Variants in ZNF107 observed in about 807,000 individuals in gnomAD.
ZNF107 encodes the protein C2H2 type zinc-finger protein.
A neutral mutation model predicts 12.3 loss-of-function variants in ZNF107; 19 were observed. The ratio of observed to expected loss-of-function variants is 1.55; its 90% CI spans 1.08 to 2.27. The LOEUF is 2.27. Among genes scored for constraint, ZNF107 ranks in the 30% most tolerant of loss-of-function variants. ZNF107 has a pLI of 0.00. For missense variants in ZNF107, 958 were observed against 979.9 expected (o/e 0.98, Z 0.30); for synonymous variants, 317 against 330.5 (o/e 0.96, Z 0.44).
chr7:64,694,735 G>A (rs1790230591), intron 3 of ZNF107, among the ~76,000 whole-genome samples: 1 of 151,972 alleles, frequency 6.6e-6, no homozygotes, highest in Non-Finnish European at 1.5e-5. Context: ...ATATAAGAAA[G>A]TAGGGCACCT....
intron 3 of ZNF107, among the ~76,000 whole-genome samples, chr7:64,697,970 GCGCCCGGCCGGTAAAA>G (rs1307794372): frequency 6.6e-6 from 1 of 152,040 alleles, no homozygotes. Context: ...GTGAGCCACC[GCGCCCGGCCGGTAAAA>G]CATAACATTT....
At position 64,700,506 on chromosome 7, in the gene ZNF107, C is replaced by CG. The variant is rs368830901; in HGVS notation, c.227-5818_227-5817insG. On this transcript the variant is annotated intron_variant, in intron 3 of 3. Coordinates refer to ENST00000620827, the MANE Select transcript of ZNF107 (RefSeq NM_001282359.2). The stretch of plus-strand genomic sequence containing the variant: ...GTCTGTCAAACCAAGCCAAATAAAC[C>CG]TTTTTTTTTTTTTTTTTTTTTTTTT... Among the ~76,000 whole-genome samples, 112 of 66,228 alleles carry CG rather than the reference C, an allele frequency of 1.7e-3. 1 individual carries two copies. The highest frequency in any genetic ancestry group is 6.7e-3 in the African/African-American group (109 of 16,218). 43.4% of individuals were successfully genotyped at this position (66,228 alleles called of 152,430 possible).
At chr7:64,684,763 C>G in intron 1 of ZNF107, 1 of 972,968 alleles carries the variant, frequency 1.0e-6, no homozygotes, top group South Asian at 4.8e-5. Context: ...TAACTTCTTC[C>G]CAGATGAGAC....
At chr7:64,697,902 G>A (rs1358482233) in intron 3 of ZNF107, among the ~76,000 whole-genome samples, 5 of 151,966 alleles carry the variant, frequency 3.3e-5, no homozygotes, top group Non-Finnish European at 5.9e-5. Context: ...CCGTGGTCTC[G>A]AACTCCTGAC....
chr7:64,706,744 T>A lies in ZNF107; in HGVS notation c.647T>A (p.Leu216His), dbSNP rs1354696442. ...CGKAFNWFST[L>H]TKHKRIHTGE... ...AAAGCCTTTAACTGGTTCTCAACTC[T>A]TACTAAACATAAGAGAATTCATACT... is the stretch of plus-strand genomic sequence containing the variant. Residue 216 changes from leucine to histidine, a missense_variant, in exon 4 of 4, where the codon CTT (leucine) becomes CAT (histidine). Physicochemically the swap from Leu to His is moderately conservative, Grantham distance 99. Transcript: ENST00000620827. 3.1e-6 allele frequency: 5 copies of A among 1,612,758 alleles called. No individual in the cohort carries two copies. In the African/African-American group the frequency reaches 4.0e-5, roughly 13 times the overall value.
chr7:64,708,837 C>G lies in ZNF107; in HGVS notation c.*181C>G. ...CACAGCTTTTAACTAATCTTCAAAC[C>G]TTACTGAAAGTTGAGAAAATTCGTA... On this transcript the variant is annotated 3_prime_UTR_variant, in exon 4 of 4. Transcript: ENST00000620827. 1 of 700,178 alleles carries G rather than the reference C, an allele frequency of 1.4e-6. No homozygotes were observed. Among genetic ancestry groups the G allele is most frequent in the Non-Finnish European group, 2.3e-6 (1 of 427,112 alleles). 43.4% of individuals were successfully genotyped at this position (700,178 alleles called of 1,614,324 possible). A position where few individuals can be genotyped will look rare whatever the true frequency, so the allele number is the denominator to read the frequency against.
chr7:64,691,832 ATTCATG>A, intron 2 of ZNF107, 27 bp from the exon 3 acceptor site: 1 of 1,251,746 alleles, frequency 8.0e-7, no homozygotes, highest in South Asian at 2.2e-5. Flanking sequence ...TATGATTAAG[ATTCATG>A]TTATATATTT....
At chr7:64,689,182 G>A (rs1178174260) in intron 1 of ZNF107, among the ~76,000 whole-genome samples, 2 of 152,098 alleles carry the variant, frequency 1.3e-5, no homozygotes, top group Non-Finnish European at 2.9e-5. Context: ...TCCTTTGGTT[G>A]TGCTCCACTT....
Position 64,691,355 on chromosome 7 carries a change from C to T in ZNF107, c.111C>T (p.Tyr37=), listed in dbSNP as rs1339434394. The part of the protein sequence containing the change: ...DLYRNVLLEN[Y]RNLVFLGIAV... ...ATAGGAATGTGTTGTTAGAGAACTACAGAAACCTGGTCTTTTTGGGTGAGG... is the reference window on the plus strand; with the variant it reads ...ATAGGAATGTGTTGTTAGAGAACTATAGAAACCTGGTCTTTTTGGGTGAGG... The change falls in exon 2 of 4, where the codon TAC becomes TAT. Residue 37 remains tyrosine, a synonymous_variant. Transcript: ENST00000620827. 2.0e-6 allele frequency: 3 copies of T among 1,503,548 alleles called. No homozygotes were observed. The highest frequency in any genetic ancestry group is 2.9e-5 in the African/African-American group (2 of 69,928). The allele number at this position is 1,503,548 out of a possible 1,614,324, so 93.1% of individuals were successfully genotyped here. A position where few individuals can be genotyped will look rare whatever the true frequency, so the allele number is the denominator to read the frequency against.
chr7:64,706,988 C>T lies in ZNF107; in HGVS notation c.891C>T (p.Ser297=). ...YEECGKVFSQ[S]SHLTTQKILH... ...AATGTGGCAAAGTCTTTAGCCAGTC[C>T]TCACACCTTACTACACAAAAGATAC... Residue 297 remains serine, a synonymous_variant, in exon 4 of 4, where the codon TCC becomes TCT. Coordinates refer to ENST00000620827, the MANE Select transcript of ZNF107 (RefSeq NM_001282359.2). 1 of 1,613,542 alleles carries T rather than the reference C, an allele frequency of 6.2e-7. No homozygotes were observed. The highest frequency in any genetic ancestry group is 8.5e-7 in the Non-Finnish European group (1 of 1,179,764).
chr7:64,694,946 TA>T (rs1398592374), intron 3 of ZNF107, among the ~76,000 whole-genome samples: 1 of 152,120 alleles, frequency 6.6e-6, no homozygotes, highest in African/African-American at 2.4e-5. Context: ...TAGCTGTCGT[TA>T]TAAACAAATT....
intron 1 of ZNF107, among the ~76,000 whole-genome samples, chr7:64,676,752 G>A (rs1470096024): frequency 1.3e-5 from 2 of 152,108 alleles, no homozygotes; most frequent in African/African-American, 4.8e-5. Flanking sequence ...AGGTGTTTCT[G>A]TTAAAATTTT....
At chr7:64,700,923 T>A (rs576260240) in intron 3 of ZNF107, among the ~76,000 whole-genome samples, 30 of 152,312 alleles carry the variant, frequency 2.0e-4, no homozygotes, top group African/African-American at 7.0e-4. Flanking sequence ...TTTCTAAGTT[T>A]GCTGTTATTG....
At chr7:64,690,452 G>GTTT in intron 1 of ZNF107, 1 of 985,406 alleles carries the variant, frequency 1.0e-6, no homozygotes, top group African/African-American at 1.7e-5. Context: ...AGAGATCAGA[G>GTTT]TTTTGGCTGG....
chr7:64,693,430 C>T (rs955246383), intron 3 of ZNF107, among the ~76,000 whole-genome samples: 32 of 151,462 alleles, frequency 2.1e-4, no homozygotes, highest in African/African-American at 7.8e-4. Context: ...TTTGAAAGAG[C>T]AAAAACCTCT....
chr7:64,696,823 T>A (rs920480419), intron 3 of ZNF107, among the ~76,000 whole-genome samples: 2 of 152,124 alleles, frequency 1.3e-5, no homozygotes, highest in African/African-American at 4.8e-5. Context: ...TTATTTATTT[T>A]TTATTTTTTA....
At chr7:64,688,851 C>T (rs1020411912) in intron 1 of ZNF107, among the ~76,000 whole-genome samples, 1 of 152,152 alleles carries the variant, frequency 6.6e-6, no homozygotes, top group East Asian at 1.9e-4. Flanking sequence ...CACACTGGAT[C>T]CTGTAACCCA....
Position 64,711,455 on chromosome 7 carries a change from C to T in ZNF107, c.*2799C>T, listed in dbSNP as rs1240993751. On this transcript the variant is annotated 3_prime_UTR_variant, in exon 4 of 4. Transcript: ENST00000620827. ...CTTTGTATTACAAACCAATTCTGCA[C>T]TTTTAGATACTTTAGAATGTACAGT... 1 of 152,098 alleles carries T rather than the reference C, an allele frequency of 6.6e-6. No individual in the cohort carries two copies. The highest frequency in any genetic ancestry group is 1.5e-5 in the Non-Finnish European group (1 of 68,020). 9.4% of individuals were successfully genotyped at this position (152,098 alleles called of 1,614,324 possible).
chr7:64,670,311 G>C (rs527971288), intron 1 of ZNF107, among the ~76,000 whole-genome samples: 19 of 152,028 alleles, frequency 1.2e-4, no homozygotes, highest in African/African-American at 4.3e-4. Context: ...AAGAAGGTTA[G>C]AAAGAAGGTC....
Sources: allele counts gnomAD v4.1 joint callset (sites outside exome capture counted in the v4.1 genomes callset), GRCh38; gene constraint gnomAD v4.1.1; transcripts MANE v1.5; gene names NCBI Gene and HGNC (gene_info 2026-07-23, HGNC 2026-07-21).